Variants in TXNDC16 observed in about 807,000 individuals in gnomAD.
The protein encoded by TXNDC16 is thioredoxin domain containing 16, also known as thioredoxin domain-containing protein 16.
A neutral mutation model predicts 85.6 loss-of-function variants in TXNDC16; 74 were observed. That is an observed-to-expected ratio of 0.86 (90% CI 0.72 to 1.05). The LOEUF is 1.05. Among genes scored for constraint, TXNDC16 ranks in the 50% least tolerant of loss-of-function variants. The probability of loss-of-function intolerance (pLI) is 0.00; values close to 1 mark genes in which losing one functional copy is unlikely to be tolerated. For synonymous variants in TXNDC16, 335 were observed against 326.5 expected (o/e 1.03, Z -0.28); for missense variants, 959 against 947.0 (o/e 1.01, Z -0.17).
chr14:52,470,094 G>A lies in TXNDC16; in HGVS notation c.1561C>T (p.Leu521Phe). Reference sequence around the variant, plus strand: ...ACTGACACACTAGAATACAAGATGAGGTCTTTATATAATTCCCCACTTAAA... The same window carrying A: ...ACTGACACACTAGAATACAAGATGAAGTCTTTATATAATTCCCCACTTAAA... ...EYLSGELYKD[L>F]ILYSSVSVLG... Residue 521 changes from leucine (L) to phenylalanine (F), a missense_variant, in exon 16 of 21, where the codon CTC becomes TTC. Leu to Phe is a conservative substitution (Grantham distance 22). Coordinates refer to ENST00000281741, the MANE Select transcript of TXNDC16 (RefSeq NM_020784.3). 6.2e-7 allele frequency: 1 copy of A among 1,611,042 alleles called. No individual in the cohort carries two copies. Among genetic ancestry groups the A allele is most frequent in the Non-Finnish European group, 8.5e-7 (1 of 1,178,408 alleles).
intron 16 of TXNDC16, among the ~76,000 whole-genome samples, chr14:52,463,627 C>T (rs1311856890): frequency 6.6e-6 from 1 of 152,104 alleles, no homozygotes; most frequent in Non-Finnish European, 1.5e-5. Context: ...GAACAGTTGG[C>T]CACCTTTGAT....
chr14:52,519,124 C>T, intron 7 of TXNDC16, 48 bp downstream of exon 7: 5 of 1,559,316 alleles, frequency 3.2e-6, no homozygotes, highest in Non-Finnish European at 4.4e-6. Context: ...CTTCAACATA[C>T]ATAAGTACAG....
chr14:52,520,921 T>C (rs1033021023), intron 6 of TXNDC16, among the ~76,000 whole-genome samples: 5 of 152,152 alleles, frequency 3.3e-5, no homozygotes, highest in African/African-American at 4.8e-5. Flanking sequence ...TTTAAATTTA[T>C]TGAGGTCCTC....
rs571892359 is a variant in TXNDC16, at chr14:52,487,910, C to T, written c.1108+453G>A. Among the ~76,000 whole-genome samples, 27 of 152,220 alleles carry T rather than the reference C, an allele frequency of 1.8e-4. No individual in the cohort carries two copies. In the South Asian group the frequency reaches 1.9e-3, roughly 11 times the overall value. ...TAAAAAACTGAAATAACTGTTTAAA[C>T]GAAGTGTTAAAATGTTACTGAAATT... On this transcript the variant is annotated intron_variant, in intron 12 of 20. Transcript: ENST00000281741.
rs1229581792 is a variant in TXNDC16, at chr14:52,514,920, A to C, written c.565T>G (p.Phe189Val). The C allele has an allele frequency of 1.2e-6, 2 of 1,612,902 alleles. No homozygotes were observed. Among genetic ancestry groups the C allele is most frequent in the South Asian group, 1.1e-5 (1 of 90,962 alleles). Reference sequence around the variant, plus strand: ...AGGGCAATTTCTGTGGTTAAGACAAATTGGTATGTAGTCCCATACACAAAA... The same window carrying C: ...AGGGCAATTTCTGTGGTTAAGACAACTTGGTATGTAGTCCCATACACAAAA... ...AAFVYGTTYQ[F>V]VLTTEIALLE... The change falls in exon 8 of 21, where the codon TTT becomes GTT. Residue 189 changes from phenylalanine (F) to valine (V), a missense_variant. Phe to Val is a conservative substitution (Grantham distance 50). Transcript: ENST00000281741.
At chr14:52,466,178 A>T (rs1178205093) in intron 16 of TXNDC16, among the ~76,000 whole-genome samples, 1 of 151,908 alleles carries the variant, frequency 6.6e-6, no homozygotes, top group Non-Finnish European at 1.5e-5. Flanking sequence ...TGAATCCATA[A>T]CATGAAACCA....
intron 17 of TXNDC16, among the ~76,000 whole-genome samples, chr14:52,456,367 A>AT (rs147142189): frequency 0.086 from 13,106 of 152,170 alleles, 622 homozygotes; most frequent in East Asian, 0.14. Flanking sequence ...CAGTCCTCAT[A>AT]TTTCCTTCTT....
In TXNDC16 at chr14:52,491,013, G is replaced by GGAA. The variant is rs2036390812; in HGVS notation, c.757-9_757-8insTTC. Reference sequence around the variant, plus strand: ...ATCTTCAGCAACTTCAGTCTTCATTGAAAAAAAAAAAAAAAAAAGGTGTGA... The same window carrying GGAA: ...ATCTTCAGCAACTTCAGTCTTCATTGGAAAAAAAAAAAAAAAAAAAAGGTGTGA... On this transcript the variant is annotated splice_polypyrimidine_tract_variant and intron_variant, in intron 9 of 20. Transcript: ENST00000281741. The GGAA allele has an allele frequency of 4.2e-6, 5 of 1,194,776 alleles. No individual in the cohort carries two copies. In the East Asian group the frequency reaches 1.6e-4, roughly 39 times the overall value. 74.0% of individuals were successfully genotyped at this position (1,194,776 alleles called of 1,614,324 possible).
At chr14:52,446,818 C>G (rs553344387) in intron 18 of TXNDC16, among the ~76,000 whole-genome samples, 1 of 152,082 alleles carries the variant, frequency 6.6e-6, no homozygotes, top group African/African-American at 2.4e-5. Flanking sequence ...CTAGATACAC[C>G]CTGGGCCAGA....
intron 18 of TXNDC16, among the ~76,000 whole-genome samples, chr14:52,445,449 A>G (rs1018015170): frequency 3.9e-5 from 6 of 152,236 alleles, no homozygotes; most frequent in Non-Finnish European, 7.4e-5. Flanking sequence ...CAGGATATTC[A>G]TTTAGCATCT....
At chr14:52,473,396 A>T (rs2035952233) in intron 14 of TXNDC16, among the ~76,000 whole-genome samples, 2 of 152,204 alleles carry the variant, frequency 1.3e-5, no homozygotes, top group Non-Finnish European at 2.9e-5. Context: ...AGTATGGAAT[A>T]TAGTGCTCTT....
chr14:52,504,238 C>T (rs947291756), intron 9 of TXNDC16, among the ~76,000 whole-genome samples: 2 of 152,012 alleles, frequency 1.3e-5, no homozygotes, highest in African/African-American at 4.8e-5. Context: ...ACATACTCCT[C>T]GAGAAGAACA....
In TXNDC16 at chr14:52,519,334, T is replaced by C. The variant is rs755720060; in HGVS notation, c.393-41A>G. ...ATATAATTAGTAGAAAAATCTGATA[T>C]GTATTTAGTTACACCACACTTCTGT... On this transcript the variant is annotated intron_variant, in intron 6 of 20. Coordinates refer to ENST00000281741, the MANE Select transcript of TXNDC16 (RefSeq NM_020784.3). The C allele has an allele frequency of 1.8e-5, 26 of 1,482,482 alleles. No homozygotes were observed. In the South Asian group the frequency reaches 2.3e-4, roughly 13 times the overall value. The allele number at this position is 1,482,482 out of a possible 1,614,324, so 91.8% of individuals were successfully genotyped here.
chr14:52,449,990 A>G (rs2035370845), intron 18 of TXNDC16, among the ~76,000 whole-genome samples: 1 of 152,146 alleles, frequency 6.6e-6, no homozygotes, highest in African/African-American at 2.4e-5. Context: ...AAAAAGTGGA[A>G]AAACTTCAAA....
At chr14:52,488,335 G>C in intron 12 of TXNDC16, 28 bp downstream of exon 12, 4 of 1,608,970 alleles carry the variant, frequency 2.5e-6, no homozygotes, top group African/African-American at 1.3e-5. Context: ...GGCAGGATGG[G>C]GAAGGGGTGA....
At chr14:52,548,252 G>A (rs976172032) in intron 1 of TXNDC16, among the ~76,000 whole-genome samples, 12 of 152,188 alleles carry the variant, frequency 7.9e-5, no homozygotes, top group African/African-American at 2.2e-4. Flanking sequence ...TTTTAAAGAA[G>A]GGGTCGGGGG....
chr14:52,538,005 C>A (rs2037743302), intron 4 of TXNDC16, among the ~76,000 whole-genome samples: 1 of 152,202 alleles, frequency 6.6e-6, no homozygotes, highest in African/African-American at 2.4e-5. Flanking sequence ...AGCATCTCAG[C>A]AAGTGGAACA....
At chr14:52,501,427 T>G (rs1189778834) in intron 9 of TXNDC16, among the ~76,000 whole-genome samples, 4 of 152,236 alleles carry the variant, frequency 2.6e-5, no homozygotes, top group African/African-American at 9.6e-5. Context: ...AAAAAGACTT[T>G]GTAAACATAC....
intron 6 of TXNDC16, among the ~76,000 whole-genome samples, chr14:52,523,538 C>T (rs1205667033): frequency 6.6e-6 from 1 of 152,170 alleles, no homozygotes; most frequent in Non-Finnish European, 1.5e-5. Context: ...AAATAAATTA[C>T]TTTTATCTAA....
Sources: gnomAD v4.1 joint callset for allele counts (sites outside exome capture counted in the v4.1 genomes callset) on GRCh38, gnomAD v4.1.1 for gene constraint, MANE v1.5 for transcripts, NCBI Gene and HGNC (gene_info 2026-07-23, HGNC 2026-07-21) for gene names.